The following SH3RF2 variants were observed in gnomAD, a reference collection of about 807,000 sequenced individuals.
SH3RF2 encodes the protein SH3 domain containing ring finger 2.
Under a neutral mutation model 59.0 loss-of-function variants are expected in SH3RF2, and 43 were observed. That is an observed-to-expected ratio of 0.73 (90% confidence interval 0.57 to 0.94). The LOEUF is 0.94. Ranked by LOEUF, SH3RF2 falls within the 40% of genes least tolerant of loss-of-function variation. The pLI, the probability that SH3RF2 is intolerant of heterozygous loss-of-function variation, is 0.00. For synonymous variants in SH3RF2, 391 were observed against 391.5 expected (o/e 1.00, Z 0.01); for missense variants, 930 against 940.1 (o/e 0.99, Z 0.14).
intron 2 of SH3RF2, among the ~76,000 whole-genome samples, chr5:145,973,066 G>A (rs528486256): frequency 3.3e-5 from 5 of 152,302 alleles, no homozygotes; most frequent in South Asian, 2.1e-4. Flanking sequence ...CACCTGACCC[G>A]TGCTTGGGAC....
At chr5:145,938,762 C>T (rs867084210) in intron 2 of SH3RF2, among the ~76,000 whole-genome samples, 5 of 152,144 alleles carry the variant, frequency 3.3e-5, no homozygotes, top group South Asian at 2.1e-4. Context: ...TCTTCCCACC[C>T]CTAGTCATAA....
intron 5 of SH3RF2, among the ~76,000 whole-genome samples, chr5:146,041,803 C>T (rs1413218777): frequency 6.6e-6 from 1 of 152,088 alleles, no homozygotes; most frequent in African/African-American, 2.4e-5. Flanking sequence ...TGGTGATGCA[C>T]ATCTGTAGTC....
Position 145,938,212 on chromosome 5 carries a change from C to A in SH3RF2, c.284C>A (p.Thr95Asn). 2 of 1,613,234 alleles carry A rather than the reference C, an allele frequency of 1.2e-6. No individual in the cohort carries two copies. The highest frequency in any genetic ancestry group is 8.5e-7 in the Non-Finnish European group (1 of 1,179,978). The change falls in exon 2 of 10, where the codon ACC (threonine) becomes AAC (asparagine). Residue 95 changes from threonine to asparagine, a missense_variant. Coordinates refer to ENST00000359120, the MANE Select transcript of SH3RF2 (RefSeq NM_152550.4). Reference protein sequence around the residue: ...GGSFRRPGTMTLQDGRKSRTN... With the variant: ...GGSFRRPGTMNLQDGRKSRTN... ...TCCTTCCGCAGGCCTGGCACGATGA[C>A]CTTGCAGGATGGCAGGAAAAGCAGG...
intron 2 of SH3RF2, among the ~76,000 whole-genome samples, chr5:145,990,484 G>A (rs1759891867): frequency 6.6e-6 from 1 of 152,212 alleles, no homozygotes; most frequent in African/African-American, 2.4e-5. Context: ...GTACCCTTGT[G>A]TGTATGATGT....
At chr5:145,962,560 T>G (rs896919232) in intron 2 of SH3RF2, among the ~76,000 whole-genome samples, 2 of 152,196 alleles carry the variant, frequency 1.3e-5, no homozygotes, top group African/African-American at 4.8e-5. Flanking sequence ...TCTCAGTTGG[T>G]CTCTGATTCT....
rs1162790688 is a variant in SH3RF2 at position 146,049,193 on chromosome 5, G to A, written c.1270G>A (p.Val424Ile). 1 of 1,613,960 alleles carries A rather than the reference G, an allele frequency of 6.2e-7. No homozygotes were observed. The highest frequency in any genetic ancestry group is 8.5e-7 in the Non-Finnish European group (1 of 1,179,966). ...CGGCTGGCTCAGGGGCGTCTCCTTG[G>A]TCACCGGGCGAGTCGGCATCTTCCC... The part of the protein sequence containing the change: ...QDGWLRGVSL[V>I]TGRVGIFPNN... Residue 424 changes from valine (V) to isoleucine (I), a missense_variant, in exon 7 of 10, where the codon GTC becomes ATC. By Grantham distance (29) the Val-to-Ile change is conservative. Transcript: ENST00000359120.
intron 2 of SH3RF2, among the ~76,000 whole-genome samples, chr5:145,957,068 G>C (rs1263332593): frequency 6.6e-6 from 1 of 152,128 alleles, no homozygotes; most frequent in Non-Finnish European, 1.5e-5. Flanking sequence ...TTTTTCTTTT[G>C]AGACAGCCAA....
At chr5:146,071,324 A>G (rs139648468) in intron 9 of SH3RF2, among the ~76,000 whole-genome samples, 311 of 152,322 alleles carry the variant, frequency 2.0e-3, no homozygotes, top group African/African-American at 7.3e-3. Context: ...AGGGTAGAGG[A>G]CTGCATTGCA....
intron 4 of SH3RF2, among the ~76,000 whole-genome samples, chr5:146,012,370 G>A (rs1760938671): frequency 6.6e-6 from 1 of 152,102 alleles, no homozygotes; most frequent in South Asian, 2.1e-4. Flanking sequence ...GGATGATGCT[G>A]GCCTCATAAA....
rs1580829019 is a variant in SH3RF2, at chr5:145,995,118, C to T, written c.379-4940C>T. 3.3e-5 allele frequency among the ~76,000 whole-genome samples: 5 copies of T among 152,206 alleles called. No homozygotes were observed. The South Asian group carries it at 1.0e-3, about 32-fold the overall frequency. ...GGGTGTGGAAGCTCTGAAACCCAGG[C>T]CCCTTCCCTATTAGGTGTGGCCCTC... On this transcript the variant is annotated intron_variant, in intron 2 of 9. Coordinates refer to ENST00000359120, the MANE Select transcript of SH3RF2 (RefSeq NM_152550.4).
At chr5:146,034,179 G>T (rs1007993870) in intron 5 of SH3RF2, among the ~76,000 whole-genome samples, 32 of 152,238 alleles carry the variant, frequency 2.1e-4, no homozygotes, top group African/African-American at 7.7e-4. Flanking sequence ...TGGAAACAAA[G>T]ATTATCTGAA....
chr5:146,069,141 C>T (rs1052218095), intron 9 of SH3RF2, among the ~76,000 whole-genome samples: 3 of 152,150 alleles, frequency 2.0e-5, no homozygotes, highest in East Asian at 3.8e-4. Flanking sequence ...AACCTAAGGC[C>T]GTAGATATTC....
intron 9 of SH3RF2, among the ~76,000 whole-genome samples, chr5:146,077,696 G>A (rs1283927323): frequency 6.6e-6 from 1 of 151,892 alleles, no homozygotes; most frequent in African/African-American, 2.4e-5. Flanking sequence ...TTTTTTAATT[G>A]TCCTGTTTTC....
intron 2 of SH3RF2, among the ~76,000 whole-genome samples, chr5:145,973,636 G>T (rs1759171711): frequency 6.6e-6 from 1 of 152,134 alleles, no homozygotes; most frequent in African/African-American, 2.4e-5. Flanking sequence ...CTTTCTCCAA[G>T]GATTCTTGAG....
chr5:145,970,153 A>T (rs1246616359), intron 2 of SH3RF2, among the ~76,000 whole-genome samples: 2 of 151,958 alleles, frequency 1.3e-5, no homozygotes, highest in East Asian at 3.8e-4. Flanking sequence ...TTTTTGGAGA[A>T]CAGGTGATTT....
chr5:146,049,630 G>A (rs1004464601), intron 7 of SH3RF2, among the ~76,000 whole-genome samples: 7 of 152,178 alleles, frequency 4.6e-5, no homozygotes, highest in Admixed American at 6.5e-5. Flanking sequence ...ATCTAGTGGC[G>A]TGATGGGAAA....
intron 9 of SH3RF2, among the ~76,000 whole-genome samples, chr5:146,074,828 T>G (rs993254014): frequency 7.3e-5 from 11 of 151,184 alleles, no homozygotes; most frequent in African/African-American, 2.7e-4. Flanking sequence ...CCCCCAACCT[T>G]TCTCTGGCAC....
intron 2 of SH3RF2, among the ~76,000 whole-genome samples, chr5:145,976,215 A>G (rs1759288525): frequency 6.6e-6 from 1 of 152,022 alleles, no homozygotes; most frequent in Non-Finnish European, 1.5e-5. Context: ...TCGCCCTCAG[A>G]CCCCACCACT....
At chr5:146,011,656 T>A (rs1214544958) in intron 4 of SH3RF2, among the ~76,000 whole-genome samples, 3 of 152,112 alleles carry the variant, frequency 2.0e-5, no homozygotes, top group African/African-American at 4.8e-5. Flanking sequence ...TGAATGGGAG[T>A]TCGCTCATGA....
Sources: gnomAD v4.1 joint callset for allele counts (sites outside exome capture counted in the v4.1 genomes callset) on GRCh38, gnomAD v4.1.1 for gene constraint, MANE v1.5 for transcripts, NCBI Gene and HGNC (gene_info 2026-07-23, HGNC 2026-07-21) for gene names.